The following RHOF variants were observed in gnomAD, a reference collection of about 807,000 sequenced individuals.
RHOF encodes the protein rho-related GTP-binding protein RhoF.
In RHOF, 21 loss-of-function variants were observed where a neutral mutation model predicts 22.2. That is an observed-to-expected ratio of 0.95 (90% confidence interval 0.67 to 1.36). The LOEUF (loss-of-function observed/expected upper bound fraction) is 1.36, where lower values mean the gene tolerates loss of function less well. Ranked by LOEUF, RHOF falls within the 40% of genes most tolerant of loss-of-function variation. The pLI, the probability that RHOF is intolerant of heterozygous loss-of-function variation, is 0.00. For synonymous variants in RHOF, 135 were observed against 131.2 expected (o/e 1.03, Z -0.20); for missense variants, 285 against 293.7 (o/e 0.97, Z 0.22).
rs1376315920 is a variant in RHOF at position 121,780,918 on chromosome 12, A to G, written c.425T>C (p.Leu142Pro). The G allele has an allele frequency of 1.2e-6, 2 of 1,613,842 alleles. No homozygotes were observed. The highest frequency in any genetic ancestry group is 1.3e-5 in the African/African-American group (1 of 74,912). ...KTDLRKDKEQ[L>P]RKLRAAQLEP... ...CAGCTGGGCGGCCCGGAGCTTCCGCAGCTGCTCCTTGTCCTTCCTCAGGTC... is the reference window on the plus strand; with the variant it reads ...CAGCTGGGCGGCCCGGAGCTTCCGCGGCTGCTCCTTGTCCTTCCTCAGGTC... Residue 142 changes from leucine to proline, a missense_variant, in exon 4 of 5, where the codon CTG becomes CCG. By Grantham distance (98) the Leu-to-Pro change is moderately conservative. Coordinates refer to ENST00000267205, the MANE Select transcript of RHOF (RefSeq NM_019034.3).
At chr12:121,790,386 C>T (rs1403826222) in intron 2 of RHOF, among the ~76,000 whole-genome samples, 1 of 152,276 alleles carries the variant, frequency 6.6e-6, no homozygotes, top group Non-Finnish European at 1.5e-5. Flanking sequence ...ATTCCCTCAC[C>T]CTCTTGGCCT....
intron 2 of RHOF, among the ~76,000 whole-genome samples, chr12:121,789,915 G>A (rs1273808056): frequency 6.6e-6 from 1 of 152,170 alleles, no homozygotes; most frequent in Non-Finnish European, 1.5e-5. Context: ...TGGCCCTGAT[G>A]AGCTCACTCT....
intron 2 of RHOF, chr12:121,782,154 G>C (rs934182082): frequency 6.6e-6 from 1 of 152,094 alleles, no homozygotes; most frequent in Non-Finnish European, 1.5e-5. Flanking sequence ...CTCCCTGTCA[G>C]GGCACGGTAA....
Position 121,779,431 on chromosome 12 carries a change from C to T in RHOF, c.*67G>A, listed in dbSNP as rs1288591228. 3.2e-6 allele frequency: 5 copies of T among 1,564,238 alleles called. No individual in the cohort carries two copies. The African/African-American group carries it at 5.4e-5, about 17-fold the overall frequency. On this transcript the variant is annotated 3_prime_UTR_variant, in exon 5 of 5. Transcript: ENST00000267205. The stretch of plus-strand genomic sequence containing the variant: ...TGGAGGGTCGGGATGGGGCAGCCTC[C>T]CTGGTGCAATCGGCACCTGGGCCCC...
At chr12:121,789,370 G>C (rs1298797454) in intron 2 of RHOF, among the ~76,000 whole-genome samples, 1 of 152,142 alleles carries the variant, frequency 6.6e-6, no homozygotes, top group African/African-American at 2.4e-5. Context: ...CGGCAGGGCT[G>C]GGCGGAAGGG....
chr12:121,787,909 A>AGGGGGGGG (rs60048337), intron 2 of RHOF, among the ~76,000 whole-genome samples: 4 of 48,844 alleles, frequency 8.2e-5, no homozygotes, highest in Non-Finnish European at 1.1e-4. Context: ...AAAAAAAAAA[A>AGGGGGGGG]GGGGGGGGGG....
chr12:121,779,529 T>G lies in RHOF; in HGVS notation c.605A>C (p.Gln202Pro). The G allele has an allele frequency of 6.2e-7, 1 of 1,613,460 alleles. No homozygotes were observed. The highest frequency in any genetic ancestry group is 8.5e-7 in the Non-Finnish European group (1 of 1,180,030). Residue 202 changes from glutamine to proline, a missense_variant, in exon 5 of 5, where the codon CAG becomes CCG. Physicochemically the swap from Gln to Pro is moderately conservative, Grantham distance 76. Transcript: ENST00000267205. ...CAGCAGGCAGAGCCGGCGCTTCTTCTGCCGTTGCGCCTTCTTCAGAGCGCT... is the reference window on the plus strand; with the variant it reads ...CAGCAGGCAGAGCCGGCGCTTCTTCGGCCGTTGCGCCTTCTTCAGAGCGCT... ...ALSALKKAQR[Q>P]KKRRLCLLL
At chr12:121,784,531 C>CA (rs1018881183) in intron 2 of RHOF, among the ~76,000 whole-genome samples, 1 of 136,406 alleles carries the variant, frequency 7.3e-6, no homozygotes, top group Non-Finnish European at 1.5e-5. Context: ...GGTGACAGAG[C>CA]AAGACGTCGT....
chr12:121,782,071 GCT>G, intron 2 of RHOF: 1 of 152,332 alleles, frequency 6.6e-6, no homozygotes, highest in Middle Eastern at 3.4e-3. Context: ...AGTATGAAGA[GCT>G]CTCTGACTGT....
rs368277328 is a variant in RHOF at position 121,793,078 on chromosome 12, G to C, written c.226+74C>G. Reference sequence around the variant, plus strand: ...CAAGGCTGCAGGGCGGGGACACCCAGTGGGGGACGCCCGGGAGGGGAAACC... The same window carrying C: ...CAAGGCTGCAGGGCGGGGACACCCACTGGGGGACGCCCGGGAGGGGAAACC... On this transcript the variant is annotated intron_variant, in intron 2 of 4. Transcript: ENST00000267205. 8 of 1,313,088 alleles carry C rather than the reference G, an allele frequency of 6.1e-6. No individual in the cohort carries two copies. In the African/African-American group the frequency reaches 1.0e-4, roughly 17 times the overall value. The allele number at this position is 1,313,088 out of a possible 1,614,324, so 81.3% of individuals were successfully genotyped here.
Position 121,793,639 on chromosome 12 carries a change from G to A in RHOF, c.-6C>T, listed in dbSNP as rs1332775262. On this transcript the variant is annotated 5_prime_UTR_variant, in exon 1 of 5. Transcript: ENST00000267205. Reference sequence around the variant, plus strand: ...AGGGCCCCGGGGGCATCCATTGCCCGGAGCCCGCAGCACTGGCGGCGGCGC... The same window carrying A: ...AGGGCCCCGGGGGCATCCATTGCCCAGAGCCCGCAGCACTGGCGGCGGCGC... 2 of 1,533,046 alleles carry A rather than the reference G, an allele frequency of 1.3e-6. No homozygotes were observed. The highest frequency in any genetic ancestry group is 1.4e-5 in the African/African-American group (1 of 72,206). The allele number at this position is 1,533,046 out of a possible 1,614,324, so 95.0% of individuals were successfully genotyped here. A position where few individuals can be genotyped will look rare whatever the true frequency, so the allele number is the denominator to read the frequency against.
At chr12:121,791,016 G>A (rs1412133165) in intron 2 of RHOF, among the ~76,000 whole-genome samples, 1 of 151,886 alleles carries the variant, frequency 6.6e-6, no homozygotes, top group African/African-American at 2.4e-5. Context: ...TGGGACTATA[G>A]GTATGTGCCA....
Position 121,778,513 on chromosome 12 carries a change from G to C in RHOF, c.*985C>G, listed in dbSNP as rs79867896. On this transcript the variant is annotated 3_prime_UTR_variant, in exon 5 of 5. Transcript: ENST00000267205. ...CCCAGACCTTCCCAAAGGAGGCTCA[G>C]GGATTAGGTATCTGGCTGTTGGTGA... The C allele has an allele frequency of 6.6e-6, 1 of 152,086 alleles. No individual in the cohort carries two copies. The highest frequency in any genetic ancestry group is 2.4e-5 in the African/African-American group (1 of 41,394). The allele number at this position is 152,086 out of a possible 1,614,324, so 9.4% of individuals were successfully genotyped here. A position where few individuals can be genotyped will look rare whatever the true frequency, so the allele number is the denominator to read the frequency against.
chr12:121,783,970 C>G (rs1271277456), intron 2 of RHOF, among the ~76,000 whole-genome samples: 1 of 152,076 alleles, frequency 6.6e-6, no homozygotes, highest in African/African-American at 2.4e-5. Context: ...CCTGCCACAC[C>G]CGCTTGCTCA....
At position 121,791,459 on chromosome 12, in the gene RHOF, G is replaced by T. The variant is rs1476287470; in HGVS notation, c.226+1693C>A. Among the ~76,000 whole-genome samples the T allele has an allele frequency of 2.6e-5, 4 of 152,192 alleles. No individual in the cohort carries two copies. The South Asian group carries it at 6.2e-4, about 24-fold the overall frequency. On this transcript the variant is annotated intron_variant, in intron 2 of 4. Transcript: ENST00000267205. Reference sequence around the variant, plus strand: ...CGTAGCCAATAGAGCTGGGGTCAAAGCCCAGATCTGACTCCAAAGAGGATG... The same window carrying T: ...CGTAGCCAATAGAGCTGGGGTCAAATCCCAGATCTGACTCCAAAGAGGATG...
At chr12:121,780,094 G>C (rs1044342551) in intron 4 of RHOF, 1 of 163,616 alleles carries the variant, frequency 6.1e-6, no homozygotes, top group African/African-American at 2.4e-5. Context: ...TTTTGCTCTT[G>C]TTACCCAGGC....
At chr12:121,787,098 C>T (rs745784851) in intron 2 of RHOF, among the ~76,000 whole-genome samples, 2 of 152,024 alleles carry the variant, frequency 1.3e-5, no homozygotes, top group East Asian at 1.9e-4. Flanking sequence ...TTTGGTTTGC[C>T]TCTCCTGCGG....
chr12:121,783,193 T>C (rs1328014659), intron 2 of RHOF, among the ~76,000 whole-genome samples: 1 of 150,016 alleles, frequency 6.7e-6, no homozygotes, highest in East Asian at 2.0e-4. Flanking sequence ...TCTGTCCCTC[T>C]TCCCTGCCTC....
At chr12:121,780,739 G>T in intron 4 of RHOF, 133 bp downstream of exon 4, 1 of 1,067,382 alleles carries the variant, frequency 9.4e-7, no homozygotes, top group Non-Finnish European at 1.3e-6. Context: ...AATACTAATA[G>T]TTAAAAATTA....
Sources: gnomAD v4.1 joint callset for allele counts (sites outside exome capture counted in the v4.1 genomes callset) on GRCh38, gnomAD v4.1.1 for gene constraint, MANE v1.5 for transcripts, NCBI Gene and HGNC (gene_info 2026-07-23, HGNC 2026-07-21) for gene names.